Variants in TEX11 observed in about 807,000 individuals in gnomAD.
TEX11 encodes testis-expressed protein 11.
TEX11 carries 7 observed loss-of-function variants against 84.4 expected under a neutral mutation model. The observed-to-expected ratio is 0.08, with a 90% CI of 0.05 to 0.16. The LOEUF (loss-of-function observed/expected upper bound fraction) is 0.16, where lower values mean the gene tolerates loss of function less well. Ranked by LOEUF, TEX11 falls within the 10% of genes least tolerant of loss-of-function variation. The pLI, the probability that TEX11 is intolerant of heterozygous loss-of-function variation, is 1.00. For synonymous variants in TEX11, 264 were observed against 222.8 expected (o/e 1.18, Z -1.64); for missense variants, 551 against 660.5 (o/e 0.83, Z 1.82).
At chrX:70,838,965 G>C (rs2091423438) in intron 7 of TEX11, among the ~76,000 whole-genome samples, 1 of 112,491 alleles carries the variant, frequency 8.9e-6, no homozygotes, top group African/African-American at 3.2e-5. Flanking sequence ...TGAGTTAGTT[G>C]TTTGATTAGG....
At chrX:70,639,653 G>C (rs1258181070) in intron 17 of TEX11, among the ~76,000 whole-genome samples, 1 of 111,292 alleles carries the variant, frequency 9.0e-6, no homozygotes, top group African/African-American at 3.3e-5. Flanking sequence ...CCTCCAGCAG[G>C]GGCAGACTGA....
intron 13 of TEX11, among the ~76,000 whole-genome samples, chrX:70,694,098 G>A (rs2090259513): frequency 9.0e-6 from 1 of 110,961 alleles, no homozygotes; most frequent in Non-Finnish European, 1.9e-5. Context: ...AGGCTGGAGT[G>A]CAGTGGTGCG....
chrX:70,650,193 G>A (rs2089794964), intron 17 of TEX11, among the ~76,000 whole-genome samples: 1 of 110,753 alleles, frequency 9.0e-6, no homozygotes, highest in Admixed American at 9.7e-5. Context: ...TCTACATTGT[G>A]GTGGTAGTTA....
chrX:70,805,626 C>A (rs1162115575), intron 9 of TEX11, among the ~76,000 whole-genome samples: 2 of 111,614 alleles, frequency 1.8e-5, no homozygotes, highest in African/African-American at 6.5e-5. Context: ...GTCTTGAACT[C>A]CTGACCTCAG....
intron 9 of TEX11, among the ~76,000 whole-genome samples, chrX:70,786,161 C>T (rs897129453): frequency 1.8e-5 from 2 of 111,400 alleles, no homozygotes; most frequent in African/African-American, 6.5e-5. Flanking sequence ...GAGTTCATGT[C>T]CTTTGTAGGG....
chrX:70,804,216 C>T lies in TEX11; in HGVS notation c.692+2489G>A, dbSNP rs954308441. Among the ~76,000 whole-genome samples, 9 of 111,716 alleles carry T rather than the reference C, an allele frequency of 8.1e-5. No homozygotes were observed. The East Asian group carries it at 1.1e-3, about 14-fold the overall frequency. ...TGTTAAGCAGTTTCTGTTTTCCAGG[C>T]ATGTTACTGAATACTCTATAATACA... On this transcript the variant is annotated intron_variant, in intron 9 of 29. Transcript: ENST00000374333.
At chrX:70,724,051 A>G in intron 12 of TEX11, 1 of 747,508 alleles carries the variant, frequency 1.3e-6, no homozygotes, top group Non-Finnish European at 1.6e-6. Context: ...GAACAATTTC[A>G]TTTTAAACTC....
intron 13 of TEX11, among the ~76,000 whole-genome samples, chrX:70,701,263 G>A (rs745596530): frequency 8.9e-6 from 1 of 112,231 alleles, no homozygotes; most frequent in Admixed American, 9.5e-5. Context: ...TGAAAGGTCA[G>A]GCTCACTCTC....
intron 25 of TEX11, among the ~76,000 whole-genome samples, 178 bp downstream of exon 25, chrX:70,591,573 A>G (rs2088930446): frequency 9.0e-6 from 1 of 111,141 alleles, no homozygotes; most frequent in Admixed American, 9.6e-5. Context: ...ACCGCGCTCC[A>G]GCCTGGGTGA....
intron 11 of TEX11, among the ~76,000 whole-genome samples, chrX:70,733,365 G>C: frequency 9.0e-6 from 1 of 111,128 alleles, no homozygotes; most frequent in Middle Eastern, 4.7e-3. Flanking sequence ...GTGAACAGGC[G>C]ACCTACAAAA....
chrX:70,804,038 G>T (rs1471814438), intron 9 of TEX11, among the ~76,000 whole-genome samples: 3 of 110,669 alleles, frequency 2.7e-5, no homozygotes, highest in Non-Finnish European at 3.8e-5. Flanking sequence ...GTAGATGTTT[G>T]TTTTTATGAC....
At chrX:70,766,889 A>G (rs1014513761) in intron 9 of TEX11, among the ~76,000 whole-genome samples, 2 of 112,103 alleles carry the variant, frequency 1.8e-5, no homozygotes, top group Non-Finnish European at 3.8e-5. Context: ...AGAGTCTTGA[A>G]GAAATGGTGC....
Position 70,769,697 on chromosome X carries a change from T to C in TEX11, c.693-25478A>G, listed in dbSNP as rs373815869. ...AAAGGAGGTCCTGAGGCTCTTCTGG[T>C]AGAATATAAGGACACCACAGAACAT... On this transcript the variant is annotated intron_variant, in intron 9 of 29. Transcript: ENST00000374333. Among the ~76,000 whole-genome samples the C allele has an allele frequency of 1.4e-4, 16 of 111,851 alleles. No homozygotes were observed. The East Asian group carries it at 3.4e-3, about 24-fold the overall frequency.
At chrX:70,746,477 T>C (rs990152993) in intron 9 of TEX11, among the ~76,000 whole-genome samples, 4 of 111,687 alleles carry the variant, frequency 3.6e-5, no homozygotes, top group African/African-American at 1.3e-4. Flanking sequence ...GACCAAGGGC[T>C]ACCATACCGC....
intron 9 of TEX11, among the ~76,000 whole-genome samples, chrX:70,778,652 TTTTG>T (rs773538327): frequency 1.8e-4 from 20 of 111,024 alleles, no homozygotes; most frequent in Admixed American, 3.9e-4. Flanking sequence ...TGTTTTTGTT[TTTTG>T]TTTGTTTGTT....
Position 70,655,320 on chromosome X carries a change from C to T in TEX11, c.1381-3768G>A, listed in dbSNP as rs751429050. Among the ~76,000 whole-genome samples, 3 of 110,695 alleles carry T rather than the reference C, an allele frequency of 2.7e-5. No individual in the cohort carries two copies. In the South Asian group the frequency reaches 1.2e-3, roughly 43 times the overall value. On this transcript the variant is annotated intron_variant, in intron 16 of 29. Coordinates refer to ENST00000374333, the MANE Select transcript of TEX11 (RefSeq NM_031276.3). Reference sequence around the variant, plus strand: ...CCGTCTTATGATTTTTTGACTTTACCACGGGTTTATCAGGATGTAACCACA... The same window carrying T: ...CCGTCTTATGATTTTTTGACTTTACTACGGGTTTATCAGGATGTAACCACA...
intron 25 of TEX11, among the ~76,000 whole-genome samples, chrX:70,565,444 T>C (rs1321223526): frequency 8.2e-5 from 9 of 109,670 alleles, no homozygotes. Flanking sequence ...TTGGTTGCCA[T>C]TGCTTTTGGT....
At chrX:70,904,972 CG>C (rs1386468580) in intron 2 of TEX11, among the ~76,000 whole-genome samples, 2 of 111,981 alleles carry the variant, frequency 1.8e-5, no homozygotes, top group Admixed American at 9.5e-5. Flanking sequence ...GTCAGTTGGA[CG>C]GCACTGCCCT....
At chrX:70,720,359 G>A (rs2147716711) in intron 13 of TEX11, among the ~76,000 whole-genome samples, 1 of 110,407 alleles carries the variant, frequency 9.1e-6, no homozygotes, top group Non-Finnish European at 1.9e-5. Flanking sequence ...TCACACACCG[G>A]GGCCTTTCAT....
Sources: gnomAD v4.1 joint callset for allele counts (sites outside exome capture counted in the v4.1 genomes callset) on GRCh38, gnomAD v4.1.1 for gene constraint, MANE v1.5 for transcripts, NCBI Gene and HGNC (gene_info 2026-07-23, HGNC 2026-07-21) for gene names.